The following SERINC5 variants were observed in gnomAD, a reference collection of about 807,000 sequenced individuals.
SERINC5 encodes the protein serine incorporator 5.
In SERINC5, 41 loss-of-function variants were observed where a neutral mutation model predicts 63.1. The ratio of observed to expected loss-of-function variants is 0.65; its 90% confidence interval spans 0.51 to 0.84. SERINC5 has a LOEUF of 0.84. Among genes scored for constraint, SERINC5 ranks in the 40% least tolerant of loss-of-function variants. The pLI, the probability that SERINC5 is intolerant of heterozygous loss-of-function variation, is 0.00. For missense variants in SERINC5, 523 were observed against 573.0 expected (o/e 0.91, Z 0.89); for synonymous variants, 222 against 215.2 (o/e 1.03, Z -0.28).
chr5:80,234,057 G>GT (rs1326158818), intron 1 of SERINC5, among the ~76,000 whole-genome samples: 1 of 151,938 alleles, frequency 6.6e-6, no homozygotes, highest in Non-Finnish European at 1.5e-5. Context: ...TGATCCGTCC[G>GT]TCTCAGCCTC....
At chr5:80,154,786 A>AT (rs1282977064) in intron 8 of SERINC5, among the ~76,000 whole-genome samples, 1 of 152,224 alleles carries the variant, frequency 6.6e-6, no homozygotes, top group Admixed American at 6.5e-5. Context: ...ATTTAAAAGG[A>AT]TATTTTCAAA....
chr5:80,185,990 C>T (rs953035134), intron 2 of SERINC5, among the ~76,000 whole-genome samples: 48 of 151,894 alleles, frequency 3.2e-4, no homozygotes, highest in Non-Finnish European at 1.6e-4. Context: ...GACTCAGGTA[C>T]ATTACATGAT....
At chr5:80,250,613 A>G (rs1444592880) in intron 1 of SERINC5, among the ~76,000 whole-genome samples, 1 of 152,250 alleles carries the variant, frequency 6.6e-6, no homozygotes, top group Non-Finnish European at 1.5e-5. Flanking sequence ...GGCGTGAGCC[A>G]CCATGCCCGG....
rs545486345 is a variant in SERINC5 at position 80,158,776 on chromosome 5, A to G, written c.986+60T>C. ...CTCACAGCTACTGAAAGTTATTTCAATTCTTTTCCTGTAATTTTAAAGTCT... is the reference window on the plus strand; with the variant it reads ...CTCACAGCTACTGAAAGTTATTTCAGTTCTTTTCCTGTAATTTTAAAGTCT... On this transcript the variant is annotated intron_variant, in intron 8 of 11. Transcript: ENST00000507668. 359 of 1,545,604 alleles carry G rather than the reference A, an allele frequency of 2.3e-4. 6 individuals carry two copies. The South Asian group carries it at 3.8e-3, about 16-fold the overall frequency.
intron 2 of SERINC5, among the ~76,000 whole-genome samples, chr5:80,192,337 G>T (rs893293190): frequency 6.6e-6 from 1 of 152,072 alleles, no homozygotes; most frequent in Admixed American, 6.6e-5. Flanking sequence ...CCAACCCTCC[G>T]CTCCTGCCTT....
At chr5:80,234,230 A>G (rs1751586072) in intron 1 of SERINC5, among the ~76,000 whole-genome samples, 1 of 152,156 alleles carries the variant, frequency 6.6e-6, no homozygotes, top group African/African-American at 2.4e-5. Flanking sequence ...ATACTTCCTA[A>G]TAATCCACAG....
intron 7 of SERINC5, among the ~76,000 whole-genome samples, chr5:80,159,288 A>G (rs1446073301): frequency 6.6e-6 from 1 of 152,144 alleles, no homozygotes; most frequent in Non-Finnish European, 1.5e-5. Context: ...GGCAGCCTCT[A>G]AAGAGAGGTA....
At chr5:80,186,154 A>G (rs1375784134) in intron 2 of SERINC5, among the ~76,000 whole-genome samples, 1 of 127,272 alleles carries the variant, frequency 7.9e-6, no homozygotes, top group East Asian at 2.5e-4. Context: ...AAAAAAAAAA[A>G]AGACAGAGTT....
chr5:80,174,082 G>A lies in SERINC5; in HGVS notation c.551+872C>T, dbSNP rs558072691. 4.6e-5 allele frequency among the ~76,000 whole-genome samples: 7 copies of A among 152,112 alleles called. No individual in the cohort carries two copies. In the South Asian group the frequency reaches 1.5e-3, roughly 32 times the overall value. ...TACAGTGAGAACAAGCATTAAAAGG[G>A]GCACTGAAGCCGAACACAATGTCAT... On this transcript the variant is annotated intron_variant, in intron 5 of 11. Transcript: ENST00000507668.
At chr5:80,128,009 CTT>C (rs1280506674) in intron 11 of SERINC5, among the ~76,000 whole-genome samples, 2 of 152,156 alleles carry the variant, frequency 1.3e-5, no homozygotes, top group Admixed American at 1.3e-4. Context: ...TTATTTCAAA[CTT>C]AGTTATCAAC....
At chr5:80,130,872 C>T (rs1464561175) in intron 11 of SERINC5, among the ~76,000 whole-genome samples, 2 of 152,134 alleles carry the variant, frequency 1.3e-5, no homozygotes, top group Non-Finnish European at 1.5e-5. Flanking sequence ...ACATCCCTAC[C>T]CCTAAGGGAG....
In SERINC5 at chr5:80,142,233, C is replaced by T. The variant is rs116777671; in HGVS notation, c.*1430G>A. 789 of 982,786 alleles carry T rather than the reference C, an allele frequency of 8.0e-4. 5 individuals carry two copies. In the African/African-American group the frequency reaches 0.013, roughly 16 times the overall value. 60.9% of individuals were successfully genotyped at this position (982,786 alleles called of 1,614,324 possible). A position where few individuals can be genotyped will look rare whatever the true frequency, so the allele number is the denominator to read the frequency against. Reference sequence around the variant, plus strand: ...TGAAAATAGGCATCATCTTGGGTAGCTGCCGAAAGTCACGTTTCTGTATTA... The same window carrying T: ...TGAAAATAGGCATCATCTTGGGTAGTTGCCGAAAGTCACGTTTCTGTATTA... On this transcript the variant is annotated 3_prime_UTR_variant, in exon 12 of 12. Coordinates refer to ENST00000507668, the MANE Select transcript of SERINC5 (RefSeq NM_001174072.3).
At position 80,140,578 on chromosome 5, in the gene SERINC5, C is replaced by T; in HGVS notation, c.*3085G>A. 5 of 981,922 alleles carry T rather than the reference C, an allele frequency of 5.1e-6. No individual in the cohort carries two copies. Among genetic ancestry groups the T allele is most frequent in the Non-Finnish European group, 6.0e-6 (5 of 829,354 alleles). 60.8% of individuals were successfully genotyped at this position (981,922 alleles called of 1,614,324 possible). On this transcript the variant is annotated 3_prime_UTR_variant, in exon 12 of 12. Transcript: ENST00000507668. Reference sequence around the variant, plus strand: ...ATGAAGAACCTTTTTGCCCAAGAAACTGTGGGCAAAAATAAAACTAACCAA... The same window carrying T: ...ATGAAGAACCTTTTTGCCCAAGAAATTGTGGGCAAAAATAAAACTAACCAA...
chr5:80,156,892 G>A (rs1746555277), intron 8 of SERINC5: 1 of 151,744 alleles, frequency 6.6e-6, no homozygotes, highest in Non-Finnish European at 1.5e-5. Flanking sequence ...CCTATGTGTG[G>A]TAACCATTAT....
intron 1 of SERINC5, among the ~76,000 whole-genome samples, chr5:80,210,539 G>C (rs1750385007): frequency 1.3e-5 from 2 of 152,162 alleles, no homozygotes; most frequent in Admixed American, 6.5e-5. Context: ...TACTACTTCT[G>C]TTAAATTAAA....
chr5:80,138,577 C>CAG, downstream of SERINC5: 1 of 154,208 alleles, frequency 6.5e-6, no homozygotes, highest in African/African-American at 2.4e-5. Flanking sequence ...GCCTGGGTGA[C>CAG]AGAGCAAGAC....
At chr5:80,183,548 A>G (rs1205568412) in intron 2 of SERINC5, among the ~76,000 whole-genome samples, 1 of 152,116 alleles carries the variant, frequency 6.6e-6, no homozygotes, top group Non-Finnish European at 1.5e-5. Flanking sequence ...GAAGTAACTG[A>G]AGAATCACAA....
intron 1 of SERINC5, among the ~76,000 whole-genome samples, chr5:80,220,297 A>G (rs1750845826): frequency 6.6e-6 from 1 of 152,160 alleles, no homozygotes; most frequent in South Asian, 2.1e-4. Flanking sequence ...TACTTTTTAA[A>G]ATTACAAGGC....
At chr5:80,192,425 C>T (rs146092055) in intron 2 of SERINC5, among the ~76,000 whole-genome samples, 2 of 145,212 alleles carry the variant, frequency 1.4e-5, no homozygotes, top group Non-Finnish European at 3.1e-5. Context: ...CTGTGTATCT[C>T]CCATATGTCA....
Sources: allele counts gnomAD v4.1 joint callset (sites outside exome capture counted in the v4.1 genomes callset), GRCh38; gene constraint gnomAD v4.1.1; transcripts MANE v1.5; gene names NCBI Gene and HGNC (gene_info 2026-07-23, HGNC 2026-07-21).